RAB11FIP3: variants seen among roughly 807,000 people sequenced by gnomAD.
The protein encoded by RAB11FIP3 is rab11 family-interacting protein 3.
RAB11FIP3 carries 17 observed loss-of-function variants against 77.8 expected under a neutral mutation model. That is an observed-to-expected ratio of 0.22 (90% CI 0.15 to 0.33). The LOEUF (loss-of-function observed/expected upper bound fraction) is 0.33. Among genes scored for constraint, RAB11FIP3 ranks in the 10% least tolerant of loss-of-function variants. The pLI is 1.00. For synonymous variants in RAB11FIP3, 437 were observed against 448.2 expected (o/e 0.98, Z 0.31); for missense variants, 1,005 against 1,011.2 (o/e 0.99, Z 0.08).
Position 522,029 on chromosome 16 carries a change from G to GTGTGCGCGCGCGTGTGTGTGCGCGCA in RAB11FIP3, c.*1205_*1206insGTGTGCGCGCATGTGCGCGCGCGTGT, listed in dbSNP as rs1270337090. The GTGTGCGCGCGCGTGTGTGTGCGCGCA allele has an allele frequency of 2.0e-5, 1 of 49,228 alleles. No individual in the cohort carries two copies. Among genetic ancestry groups the GTGTGCGCGCGCGTGTGTGTGCGCGCA allele is most frequent in the Non-Finnish European group, 3.4e-5 (1 of 29,846 alleles). 3.0% of individuals were successfully genotyped at this position (49,228 alleles called of 1,614,324 possible). On this transcript the variant is annotated 3_prime_UTR_variant, in exon 14 of 14. Transcript: ENST00000262305. The stretch of plus-strand genomic sequence containing the variant: ...CCAAGACTGGCCACCCGCTGCGTGT[G>GTGTGCGCGCGCGTGTGTGTGCGCGCA]TGTGCGCGCGCGTGTACGTGTGGCC...
At chr16:486,483 A>C (rs2056156113) in intron 4 of RAB11FIP3, among the ~76,000 whole-genome samples, 1 of 152,056 alleles carries the variant, frequency 6.6e-6, no homozygotes, top group Non-Finnish European at 1.5e-5. Context: ...ACAGAGCGAG[A>C]CTCTATCTCA....
intron 13 of RAB11FIP3, 62 bp downstream of exon 13, chr16:520,661 T>G: frequency 2.5e-6 from 4 of 1,610,590 alleles, no homozygotes; most frequent in Non-Finnish European, 8.5e-7. Flanking sequence ...GTCTGTGCGC[T>G]GTGGTTTATG....
chr16:482,747 C>T lies in RAB11FIP3; in HGVS notation c.1115+11C>T, dbSNP rs759731376. On this transcript the variant is annotated intron_variant, in intron 4 of 13. Transcript: ENST00000262305. ...GCTGCTCCCAGGCAGGTCTGTACCCCGCCACGGGCCTCCTGGAGAGGCCTT... is the reference window on the plus strand; with the variant it reads ...GCTGCTCCCAGGCAGGTCTGTACCCTGCCACGGGCCTCCTGGAGAGGCCTT... 1.5e-5 allele frequency: 23 copies of T among 1,582,528 alleles called. No individual in the cohort carries two copies. Among genetic ancestry groups the T allele is most frequent in the South Asian group, 9.1e-5 (8 of 88,172 alleles).
Position 425,697 on chromosome 16 carries a change from CCTCCTCGGCCCCCGTCCCCCGG to C in RAB11FIP3, c.-308_-287del. The C allele has an allele frequency of 3.6e-6, 1 of 277,506 alleles. No individual in the cohort carries two copies. The allele number at this position is 277,506 out of a possible 1,614,324, so 17.2% of individuals were successfully genotyped here. On this transcript the variant is annotated 5_prime_UTR_variant, in exon 1 of 14. Transcript: ENST00000262305. ...GCTTCACAGGCTCCGCGGCCTCCGGCCTCCTCGGCCCCCGTCCCCCGGCCTCCTCGGCCCCCGTCCCCCGCCA... is the reference window on the plus strand; with the variant it reads ...GCTTCACAGGCTCCGCGGCCTCCGGCCCTCCTCGGCCCCCGTCCCCCGCCA...
chr16:471,427 G>A lies in RAB11FIP3; in HGVS notation c.903+38G>A, dbSNP rs1212629907. ...CACCCAGGAGCTTGGGGGAAGTCTG[G>A]CATCCACCTCTTCCTTTATGCCCTA... On this transcript the variant is annotated intron_variant, in intron 3 of 13. Coordinates refer to ENST00000262305, the MANE Select transcript of RAB11FIP3 (RefSeq NM_014700.4). The surrounding 1 kb of genome is among the most constrained non-coding windows in gnomAD (Gnocchi z 4.4). 9 of 1,491,446 alleles carry A rather than the reference G, an allele frequency of 6.0e-6. No homozygotes were observed. The highest frequency in any genetic ancestry group is 8.3e-6 in the Non-Finnish European group (9 of 1,079,922). 92.4% of individuals were successfully genotyped at this position (1,491,446 alleles called of 1,614,324 possible). A position where few individuals can be genotyped will look rare whatever the true frequency, so the allele number is the denominator to read the frequency against.
At chr16:519,647 G>A (rs904769854) in intron 10 of RAB11FIP3, 107 bp from the exon 11 acceptor site, 9 of 1,452,666 alleles carry the variant, frequency 6.2e-6, no homozygotes, top group Non-Finnish European at 8.4e-6. Flanking sequence ...GGGCGCCACC[G>A]CGTTGCTGTT....
intron 2 of RAB11FIP3, among the ~76,000 whole-genome samples, chr16:468,009 CGTTGGAGGAGGTGCAGGGAA>C (rs1458417826): frequency 6.1e-5 from 3 of 48,848 alleles, no homozygotes; most frequent in Non-Finnish European, 8.0e-5. Flanking sequence ...GGTGCAGGGG[CGTTGGAGGAGGTGCAGGGAA>C]GTCAGGGAGG....
In RAB11FIP3 at chr16:435,204, C is replaced by CAAAAAAAAAAAAAAAA. The variant is rs371438435; in HGVS notation, c.714+8486_714+8501dup. Among the ~76,000 whole-genome samples the CAAAAAAAAAAAAAAAA allele has an allele frequency of 3.0e-3, 247 of 83,076 alleles. 1 individual carries two copies. Among genetic ancestry groups the CAAAAAAAAAAAAAAAA allele is most frequent in the African/African-American group, 0.011 (240 of 22,150 alleles). 54.5% of individuals were successfully genotyped at this position (83,076 alleles called of 152,430 possible). A position where few individuals can be genotyped will look rare whatever the true frequency, so the allele number is the denominator to read the frequency against. On this transcript the variant is annotated intron_variant, in intron 1 of 13. Coordinates refer to ENST00000262305, the MANE Select transcript of RAB11FIP3 (RefSeq NM_014700.4). ...TGGGCGACAGAGCGAGACTCCGTCT[C>CAAAAAAAAAAAAAAAA]AAAAAAAAAAAAAAAAAGTTAAGGA...
intron 1 of RAB11FIP3, among the ~76,000 whole-genome samples, chr16:433,363 C>T (rs910008566): frequency 6.7e-6 from 1 of 149,558 alleles, no homozygotes; most frequent in Non-Finnish European, 1.5e-5. Flanking sequence ...TCTTTACCCT[C>T]CTGATGCTTC....
intron 2 of RAB11FIP3, among the ~76,000 whole-genome samples, chr16:467,023 G>A (rs972428828): frequency 3.3e-5 from 5 of 152,224 alleles, no homozygotes; most frequent in Admixed American, 6.5e-5. Context: ...ACGGGCCCGT[G>A]AGTGCTGTCG....
intron 5 of RAB11FIP3, 44 bp downstream of exon 5, chr16:489,044 C>G: frequency 6.3e-7 from 1 of 1,590,588 alleles, no homozygotes; most frequent in Non-Finnish European, 8.6e-7. Flanking sequence ...CTCTTCTTCC[C>G]GTGGTTAGTA....
intron 1 of RAB11FIP3, among the ~76,000 whole-genome samples, chr16:431,525 G>A (rs547813665): frequency 6.4e-4 from 98 of 152,186 alleles, no homozygotes; most frequent in Admixed American, 2.0e-3. Flanking sequence ...GACTACAGGC[G>A]TGCAACGCCT....
At chr16:497,333 A>G (rs2031222205) in intron 6 of RAB11FIP3, 1 of 1,303,984 alleles carries the variant, frequency 7.7e-7, no homozygotes, top group Non-Finnish European at 1.0e-6. Flanking sequence ...AAAGATGGCA[A>G]CATACACTTT....
At chr16:502,708 A>T (rs1596286839) in intron 6 of RAB11FIP3, 1 of 488,392 alleles carries the variant, frequency 2.0e-6, no homozygotes, top group Non-Finnish European at 3.6e-6. Flanking sequence ...CCTCTCTGCC[A>T]CTCGCTGGCT....
chr16:470,495 A>ATTTT (rs2055788975), intron 2 of RAB11FIP3, among the ~76,000 whole-genome samples: 2 of 152,252 alleles, frequency 1.3e-5, no homozygotes, highest in Non-Finnish European at 2.9e-5. Flanking sequence ...GGTATTAAGT[A>ATTTT]ATGCTATTTT....
chr16:520,245 G>A lies in RAB11FIP3; in HGVS notation c.1984G>A (p.Glu662Lys), dbSNP rs1023400481. 38 of 1,546,586 alleles carry A rather than the reference G, an allele frequency of 2.5e-5. No individual in the cohort carries two copies. Among genetic ancestry groups the A allele is most frequent in the Admixed American group, 1.4e-4 (7 of 51,292 alleles). ...QEYHSRARES[E>K]LEQEVRRLKQ... is the part of the protein sequence containing the mutation. ...GTACCACAGCCGCGCCCGGGAGAGC[G>A]AGCTGGAGCAGGAGGTCCGCAGGCT... Residue 662 changes from glutamate to lysine, a missense_variant, in exon 12 of 14, where the codon GAG (glutamate) becomes AAG (lysine). Transcript: ENST00000262305.
At chr16:428,642 A>C (rs143999353) in intron 1 of RAB11FIP3, among the ~76,000 whole-genome samples, 3 of 152,266 alleles carry the variant, frequency 2.0e-5, no homozygotes, top group African/African-American at 4.8e-5. Context: ...AGCTCTCCCA[A>C]GGTCTCACAG....
chr16:437,582 A>AC (rs2055151239), intron 1 of RAB11FIP3, among the ~76,000 whole-genome samples: 1 of 151,218 alleles, frequency 6.6e-6, no homozygotes, highest in South Asian at 2.1e-4. Context: ...AAAAAAAAAA[A>AC]AAAAAAAAAA....
chr16:517,688 G>A (rs2032479476), intron 9 of RAB11FIP3, among the ~76,000 whole-genome samples: 1 of 152,236 alleles, frequency 6.6e-6, no homozygotes, highest in Non-Finnish European at 1.5e-5. Context: ...CTGTGACTGT[G>A]ACACATAACA....
Sources: allele counts gnomAD v4.1 joint callset (sites outside exome capture counted in the v4.1 genomes callset), GRCh38; gene constraint gnomAD v4.1.1; non-coding constraint Gnocchi (gnomAD v3.1); transcripts MANE v1.5; gene names NCBI Gene and HGNC (gene_info 2026-07-23, HGNC 2026-07-21).